UGT1A8: variants seen among roughly 807,000 people sequenced by gnomAD.
The protein encoded by UGT1A8 is UDP glucuronosyltransferase family 1 member A8.
A neutral mutation model predicts 45.3 loss-of-function variants in UGT1A8; 39 were observed. The ratio of observed to expected loss-of-function variants is 0.86; its 90% confidence interval spans 0.67 to 1.12. The LOEUF is 1.12. Ranked by LOEUF, UGT1A8 falls within the 50% of genes most tolerant of loss-of-function variation. The pLI is 0.00. For synonymous variants in UGT1A8, 275 were observed against 249.2 expected (o/e 1.10, Z -0.97); for missense variants, 719 against 664.9 (o/e 1.08, Z -0.90).
chr2:233,738,398 A>G (rs1690780293), intron 1 of UGT1A8, among the ~76,000 whole-genome samples: 1 of 152,236 alleles, frequency 6.6e-6, no homozygotes, highest in African/African-American at 2.4e-5. Context: ...AGTGACTTGG[A>G]ACTGGGTAAC....
intron 1 of UGT1A8, chr2:233,682,046 C>T (rs762674386): frequency 6.2e-7 from 1 of 1,614,106 alleles, no homozygotes; most frequent in Admixed American, 1.7e-5. Context: ...GGATGGGAGC[C>T]ACTGGTTCAC....
At chr2:233,695,898 T>G (rs1241404819) in intron 1 of UGT1A8, among the ~76,000 whole-genome samples, 1 of 152,148 alleles carries the variant, frequency 6.6e-6, no homozygotes, top group East Asian at 1.9e-4. Flanking sequence ...AACAAATGTG[T>G]GGGGTTTTTT....
chr2:233,699,825 A>T (rs556434145), intron 1 of UGT1A8, among the ~76,000 whole-genome samples: 2 of 152,202 alleles, frequency 1.3e-5, no homozygotes, highest in Non-Finnish European at 2.9e-5. Flanking sequence ...GTAGTTCTCA[A>T]ATAGAACTAA....
intron 1 of UGT1A8, chr2:233,718,844 C>G (rs1382357882): frequency 6.2e-7 from 1 of 1,613,706 alleles, no homozygotes; most frequent in Non-Finnish European, 8.5e-7. Flanking sequence ...TCCAGGTTCC[C>G]CTGCCGCGGC....
chr2:233,723,417 T>A (rs2077082381), intron 1 of UGT1A8, among the ~76,000 whole-genome samples: 1 of 134,694 alleles, frequency 7.4e-6, no homozygotes, highest in Non-Finnish European at 1.6e-5. Context: ...ACCATACTGG[T>A]CAGGCTGGTC....
intron 1 of UGT1A8, among the ~76,000 whole-genome samples, chr2:233,735,224 A>T (rs953132895): frequency 1.3e-5 from 2 of 152,126 alleles, no homozygotes; most frequent in African/African-American, 4.8e-5. Context: ...TATATTTAGG[A>T]TAGTTAGCTC....
chr2:233,701,871 A>G (rs2075656901), intron 1 of UGT1A8, among the ~76,000 whole-genome samples: 1 of 152,172 alleles, frequency 6.6e-6, no homozygotes, highest in Non-Finnish European at 1.5e-5. Flanking sequence ...TTATAGCACT[A>G]AATGCCCACA....
At chr2:233,755,255 G>A (rs1695832666) in intron 1 of UGT1A8, 14 of 819,316 alleles carry the variant, frequency 1.7e-5, no homozygotes, top group South Asian at 1.2e-4. Flanking sequence ...CCAGCACCTC[G>A]TAGTAGTCCA....
At chr2:233,690,976 A>C in intron 1 of UGT1A8, 1 of 1,000,136 alleles carries the variant, frequency 1.0e-6, no homozygotes, top group African/African-American at 1.7e-5. Context: ...TAAGAACAGG[A>C]CCCACATATG....
At chr2:233,678,916 G>A (rs190538655) in intron 1 of UGT1A8, among the ~76,000 whole-genome samples, 1 of 152,110 alleles carries the variant, frequency 6.6e-6, no homozygotes, top group Non-Finnish European at 1.5e-5. Context: ...GTGAAGTCAT[G>A]TGCAACATCT....
chr2:233,621,351 A>G (rs2073002830), intron 1 of UGT1A8, among the ~76,000 whole-genome samples: 1 of 152,162 alleles, frequency 6.6e-6, no homozygotes, highest in Non-Finnish European at 1.5e-5. Context: ...AACAGAATTG[A>G]TGACTGGTTT....
chr2:233,685,003 T>TTG (rs772799143), intron 1 of UGT1A8, among the ~76,000 whole-genome samples: 9 of 152,162 alleles, frequency 5.9e-5, no homozygotes, highest in South Asian at 2.1e-4. Context: ...TATGTGGTGT[T>TTG]TGTGCACGTA....
chr2:233,706,265 C>T (rs529383479), intron 1 of UGT1A8, among the ~76,000 whole-genome samples: 1 of 152,244 alleles, frequency 6.6e-6, no homozygotes, highest in Non-Finnish European at 1.5e-5. Flanking sequence ...AGCTGGATTG[C>T]CCAACCTCAG....
chr2:233,671,004 G>T (rs1202700074), intron 1 of UGT1A8, among the ~76,000 whole-genome samples: 1 of 152,156 alleles, frequency 6.6e-6, no homozygotes, highest in Non-Finnish European at 1.5e-5. Flanking sequence ...AGTCCTATTT[G>T]TAAACCCAAA....
At chr2:233,670,948 CT>C (rs2074172565) in intron 1 of UGT1A8, among the ~76,000 whole-genome samples, 1 of 152,162 alleles carries the variant, frequency 6.6e-6, no homozygotes, top group Non-Finnish European at 1.5e-5. Flanking sequence ...GGGTATTGAT[CT>C]TTTCCCTTTA....
At chr2:233,729,544 C>T (rs2077877182) in intron 1 of UGT1A8, 24 of 1,614,178 alleles carry the variant, frequency 1.5e-5, no homozygotes, top group Non-Finnish European at 1.9e-5. Context: ...CCTGATCAGG[C>T]ACCTGAATGC....
chr2:233,715,439 T>C (rs1470387805), intron 1 of UGT1A8, among the ~76,000 whole-genome samples: 2 of 152,158 alleles, frequency 1.3e-5, no homozygotes, highest in East Asian at 3.9e-4. Flanking sequence ...GTAATGTGAC[T>C]CCTATGTTAT....
chr2:233,720,934 C>T (rs1372026548), intron 1 of UGT1A8, among the ~76,000 whole-genome samples: 1 of 148,294 alleles, frequency 6.7e-6, no homozygotes, highest in Non-Finnish European at 1.5e-5. Flanking sequence ...TGGTCTTGAA[C>T]TCCTGACCTC....
chr2:233,690,942 A>G, intron 1 of UGT1A8: 1 of 1,016,324 alleles, frequency 9.8e-7, no homozygotes, highest in South Asian at 4.0e-5. Flanking sequence ...CCTCCAACTC[A>G]TGTTCTGTAG....
Sources: allele counts gnomAD v4.1 joint callset (sites outside exome capture counted in the v4.1 genomes callset), GRCh38; gene constraint gnomAD v4.1.1; transcripts MANE v1.5; gene names NCBI Gene and HGNC (gene_info 2026-07-23, HGNC 2026-07-21).